Variants in ESPN observed in about 807,000 individuals in gnomAD.
ESPN encodes the protein espin.
In ESPN, 68 loss-of-function variants were observed where a neutral mutation model predicts 77.7. That is an observed-to-expected ratio of 0.87 (90% CI 0.72 to 1.07). ESPN has a LOEUF of 1.07. Ranked by LOEUF, ESPN falls within the 50% of genes least tolerant of loss-of-function variation. The probability of loss-of-function intolerance (pLI) is 0.00; values close to 1 mark genes in which losing one functional copy is unlikely to be tolerated. For missense variants in ESPN, 1,060 were observed against 1,239.0 expected, an observed-to-expected ratio of 0.86 and a Z score of 2.17; for synonymous variants, 449 against 567.1, an observed-to-expected ratio of 0.79 and a Z score of 2.96.
intron 6 of ESPN, 22 bp from the exon 7 acceptor site, chr1:6,445,642 G>A: frequency 9.3e-6 from 15 of 1,610,008 alleles, no homozygotes; most frequent in Non-Finnish European, 1.3e-5. Flanking sequence ...CCCAAATCTG[G>A]CCCTTCCTTC....
At chr1:6,442,571 TAAAA>T (rs869219412) in intron 5 of ESPN, among the ~76,000 whole-genome samples, 1 of 77,936 alleles carries the variant, frequency 1.3e-5, no homozygotes. Flanking sequence ...AGACTCCTTC[TAAAA>T]AAAAAAAAAA....
At position 6,451,974 on chromosome 1, in the gene ESPN, GACGTGGAGGCTCTCATCCCCA is replaced by G; in HGVS notation, c.2204_2224del (p.Asp735_Thr742delinsAla). On this transcript the variant is annotated inframe_deletion, in exon 10 of 13. Coordinates refer to ENST00000645284, the MANE Select transcript of ESPN (RefSeq NM_031475.3). The surrounding 1 kb of genome is among the most constrained non-coding windows in gnomAD (Gnocchi z 4.3). ...TACTCCTGCGCCGGGAGTGCAGCTG[GACGTGGAGGCTCTCATCCCCA>G]CGCACGATGAGCAGGGCCGGCCCAT... is the stretch of plus-strand genomic sequence containing the variant. The G allele has an allele frequency of 6.2e-7, 1 of 1,610,060 alleles. No homozygotes were observed. Among genetic ancestry groups the G allele is most frequent in the East Asian group, 2.2e-5 (1 of 44,754 alleles).
Position 6,425,014 on chromosome 1 carries a change from C to T in ESPN, c.59C>T (p.Ser20Leu). The T allele has an allele frequency of 6.8e-7, 1 of 1,467,984 alleles. No individual in the cohort carries two copies. The highest frequency in any genetic ancestry group is 1.3e-5 in the South Asian group (1 of 77,524). The allele number at this position is 1,467,984 out of a possible 1,614,324, so 90.9% of individuals were successfully genotyped here. A position where few individuals can be genotyped will look rare whatever the true frequency, so the allele number is the denominator to read the frequency against. ...CAGGGCGAGCTGGACGTGCTGAGGT[C>T]GCTGCACGCCGCAGGCCTCCTGGGG... ...ARQGELDVLR[S>L]LHAAGLLGPS... The change falls in exon 1 of 13, where the codon TCG becomes TTG. Residue 20 changes from serine (S) to leucine (L), a missense_variant. By Grantham distance (145) the Ser-to-Leu change is moderately radical. Around this residue, in one of 3 missense-constraint regions of ESPN, gnomAD observed 556 missense variants for 633.6 expected, o/e 0.88. Transcript: ENST00000645284.
intron 2 of ESPN, among the ~76,000 whole-genome samples, chr1:6,429,516 C>T (rs4071579): frequency 0.25 from 38,630 of 152,022 alleles, 7,440 homozygotes; most frequent in African/African-American, 0.54. Context: ...CATGTCCCCA[C>T]CCTCACGGCG....
chr1:6,439,289 G>A (rs1643537637), intron 2 of ESPN, among the ~76,000 whole-genome samples: 2 of 152,340 alleles, frequency 1.3e-5, no homozygotes, highest in East Asian at 3.9e-4. Flanking sequence ...CTGTACTTTA[G>A]TATAAGTATG....
downstream of ESPN, chr1:6,461,061 C>T: frequency 2.1e-6 from 1 of 469,408 alleles, no homozygotes; most frequent in Non-Finnish European, 4.3e-6. The surrounding 1 kb of genome is among the most constrained non-coding windows in gnomAD (Gnocchi z 6.3). Context: ...TGCCAGATCC[C>T]GGGGTGACAA....
At position 6,425,149 on chromosome 1, in the gene ESPN, C is replaced by T. The variant is rs1374684451; in HGVS notation, c.194C>T (p.Ala65Val). The change falls in exon 1 of 13, where the codon GCC (alanine) becomes GTC (valine). Residue 65 changes from alanine to valine, a missense_variant. By Grantham distance (64) the Ala-to-Val change is moderately conservative (BLOSUM62 0). Coordinates refer to ENST00000645284, the MANE Select transcript of ESPN (RefSeq NM_031475.3). The part of the protein sequence containing the change: ...LVEEAALPAA[A>V]RARNGATPAH... ...GAGGAAGCCGCCCTCCCCGCCGCGGCCCGCGCCCGCAACGGCGCCACACCG... is the reference window on the plus strand; with the variant it reads ...GAGGAAGCCGCCCTCCCCGCCGCGGTCCGCGCCCGCAACGGCGCCACACCG... 1.3e-6 allele frequency: 2 copies of T among 1,513,002 alleles called. No individual in the cohort carries two copies. Among genetic ancestry groups the T allele is most frequent in the South Asian group, 2.4e-5 (2 of 81,844 alleles). 93.7% of individuals were successfully genotyped at this position (1,513,002 alleles called of 1,614,324 possible).
rs1400166592 is a variant in ESPN, at chr1:6,454,997, G to C, written c.2326-2187G>C. The C allele has an allele frequency of 1.3e-5, 5 of 376,384 alleles. No individual in the cohort carries two copies. In the East Asian group the frequency reaches 1.5e-4, roughly 12 times the overall value. The allele number at this position is 376,384 out of a possible 1,614,324, so 23.3% of individuals were successfully genotyped here. A position where few individuals can be genotyped will look rare whatever the true frequency, so the allele number is the denominator to read the frequency against. ...CCTACGAGCTGCGCGCACGGGGCGC[G>C]GCGCCCGCGCGCTGTCCGCGCCGCA... On this transcript the variant is annotated intron_variant, in intron 10 of 12. Transcript: ENST00000645284.
intron 2 of ESPN, among the ~76,000 whole-genome samples, chr1:6,438,647 A>G (rs1643517753): frequency 6.6e-6 from 1 of 152,246 alleles, no homozygotes; most frequent in African/African-American, 2.4e-5. Context: ...CAGCTGTGTG[A>G]CCGAGGAGAG....
At position 6,437,266 on chromosome 1, in the gene ESPN, CT is replaced by C; in HGVS notation, c.489-2987del. 1 of 152,262 alleles carries C rather than the reference CT, an allele frequency of 6.6e-6. No homozygotes were observed. The allele number at this position is 152,262 out of a possible 1,614,324, so 9.4% of individuals were successfully genotyped here. A position where few individuals can be genotyped will look rare whatever the true frequency, so the allele number is the denominator to read the frequency against. ...ACCTTCTCCGGCTGGCTGGGCACCC[CT>C]GGGTCATGGATCTCTGCCAAGTGGG... On this transcript the variant is annotated intron_variant, in intron 2 of 12. Transcript: ENST00000645284. The surrounding 1 kb of genome is among the most constrained non-coding windows in gnomAD (Gnocchi z 4.5).
Position 6,436,320 on chromosome 1 carries a change from C to G in ESPN, c.489-3934C>G, listed in dbSNP as rs1643435848. On this transcript the variant is annotated intron_variant, in intron 2 of 12. Coordinates refer to ENST00000645284, the MANE Select transcript of ESPN (RefSeq NM_031475.3). ...TGTACCAGGAGAACAATGCTAACAC[C>G]TGTCCTGTGGGGTTACAAGGACCAG... 2.0e-5 allele frequency among the ~76,000 whole-genome samples: 3 copies of G among 152,138 alleles called. No homozygotes were observed. The South Asian group carries it at 6.2e-4, about 32-fold the overall frequency.
chr1:6,458,827 AG>A (rs1557721403), intron 12 of ESPN, among the ~76,000 whole-genome samples: 1 of 151,272 alleles, frequency 6.6e-6, no homozygotes, highest in Non-Finnish European at 1.5e-5. Context: ...GCTACTCGGG[AG>A]GCTGAGGCAG....
chr1:6,448,958 G>C lies in ESPN; in HGVS notation c.1782G>C (p.Glu594Asp). Reference protein sequence around the residue: ...GCAADPKASRELPPPPPPPPP... With the variant: ...GCAADPKASRDLPPPPPPPPP... ...CCGCGGACCCCAAGGCGTCCAGGGA[G>C]CTGCCACCGCCGCCCCCACCGCCGC... The change falls in exon 8 of 13, where the codon GAG (glutamate) becomes GAC (aspartate). Residue 594 changes from glutamate to aspartate, a missense_variant. Around this residue, in one of 3 missense-constraint regions of ESPN, gnomAD observed 374 missense variants for 381.4 expected, o/e 0.98. Transcript: ENST00000645284. 2 of 1,423,578 alleles carry C rather than the reference G, an allele frequency of 1.4e-6. No homozygotes were observed. The highest frequency in any genetic ancestry group is 1.8e-6 in the Non-Finnish European group (2 of 1,094,626). 88.2% of individuals were successfully genotyped at this position (1,423,578 alleles called of 1,614,324 possible).
intron 10 of ESPN, among the ~76,000 whole-genome samples, chr1:6,453,370 C>T (rs1371759971): frequency 6.6e-6 from 1 of 152,254 alleles, no homozygotes; most frequent in Non-Finnish European, 1.5e-5. Flanking sequence ...TGATGCAACA[C>T]AGCCAGCTGC....
chr1:6,457,450 A>G, intron 12 of ESPN, 78 bp downstream of exon 12: 1 of 1,554,146 alleles, frequency 6.4e-7, no homozygotes, highest in Non-Finnish European at 8.9e-7. Context: ...ATCCAGGCCA[A>G]TTTGAGTACA....
Position 6,447,745 on chromosome 1 carries a change from G to A in ESPN, c.1465-896G>A, listed in dbSNP as rs1643875610. On this transcript the variant is annotated intron_variant, in intron 7 of 12. Coordinates refer to ENST00000645284, the MANE Select transcript of ESPN (RefSeq NM_031475.3). The surrounding 1 kb of genome is among the most constrained non-coding windows in gnomAD (Gnocchi z 5.2). ...GAGGGGAAGGGTGGGGACGCGACCC[G>A]GAGCCGGGGGCCAAATATGAGAGGC... Among the ~76,000 whole-genome samples, 2 of 152,150 alleles carry A rather than the reference G, an allele frequency of 1.3e-5. No homozygotes were observed.
intron 5 of ESPN, chr1:6,443,132 A>G (rs183801904): frequency 6.6e-6 from 1 of 151,202 alleles, no homozygotes; most frequent in African/African-American, 2.4e-5. Flanking sequence ...AGACCACGCC[A>G]CTGCACTCCA....
At chr1:6,452,904 A>ATTTTATT (rs1553169592) in intron 10 of ESPN, among the ~76,000 whole-genome samples, 4 of 150,872 alleles carry the variant, frequency 2.7e-5, no homozygotes, top group African/African-American at 9.9e-5. Flanking sequence ...TTTATTTTTT[A>ATTTTATT]TTTTTTGAGA....
chr1:6,441,202 G>C, intron 5 of ESPN, 137 bp downstream of exon 5: 1 of 1,251,292 alleles, frequency 8.0e-7, no homozygotes, highest in South Asian at 1.3e-5. Flanking sequence ...CGACCTCTCA[G>C]CCCAGAACCA....
Sources: allele counts gnomAD v4.1 joint callset (sites outside exome capture counted in the v4.1 genomes callset), GRCh38; gene constraint gnomAD v4.1.1; regional missense constraint gnomAD v4.1.1; non-coding constraint Gnocchi (gnomAD v3.1); transcripts MANE v1.5; gene names NCBI Gene and HGNC (gene_info 2026-07-23, HGNC 2026-07-21).